ESCO1: variants seen among roughly 807,000 people sequenced by gnomAD.
The protein encoded by ESCO1 is establishment of sister chromatid cohesion N-acetyltransferase 1, also known as N-acetyltransferase ESCO1.
A neutral mutation model predicts 83.5 loss-of-function variants in ESCO1; 33 were observed. The ratio of observed to expected loss-of-function variants is 0.40; its 90% confidence interval spans 0.30 to 0.53. ESCO1 has a LOEUF of 0.53. ESCO1 is among the 20% of genes least tolerant of loss of function. The pLI is 0.63. For synonymous variants in ESCO1, 332 were observed against 324.3 expected, an observed-to-expected ratio of 1.02 and a Z score of -0.25; for missense variants, 855 against 968.0, an observed-to-expected ratio of 0.88 and a Z score of 1.55.
intron 6 of ESCO1, among the ~76,000 whole-genome samples, chr18:21,565,754 T>G (rs1035469151): frequency 6.6e-6 from 1 of 152,070 alleles, no homozygotes; most frequent in African/African-American, 2.4e-5. Context: ...CTGAGCAGCA[T>G]AGCAAGACCT....
chr18:21,563,464 C>T (rs2038216048), intron 7 of ESCO1, among the ~76,000 whole-genome samples: 1 of 152,178 alleles, frequency 6.6e-6, no homozygotes, highest in Non-Finnish European at 1.5e-5. Flanking sequence ...TCTCCTGCCT[C>T]AGATTCCTAA....
intron 8 of ESCO1, among the ~76,000 whole-genome samples, chr18:21,543,183 T>C (rs2037928528): frequency 6.6e-6 from 1 of 152,108 alleles, no homozygotes; most frequent in South Asian, 2.1e-4. Flanking sequence ...TGAGACAGTT[T>C]CAATCTTGTT....
intron 8 of ESCO1, among the ~76,000 whole-genome samples, chr18:21,541,592 C>CAAAAAAAA (rs58040604): frequency 2.3e-5 from 2 of 86,812 alleles, no homozygotes; most frequent in African/African-American, 7.4e-5. Context: ...GACACTGTCC[C>CAAAAAAAA]AAAAAAAAAA....
At chr18:21,579,901 AT>A (rs376518696) in intron 2 of ESCO1, among the ~76,000 whole-genome samples, 53 of 141,094 alleles carry the variant, frequency 3.8e-4, no homozygotes, top group South Asian at 2.3e-3. Context: ...TCTATTTTTA[AT>A]TTTTTTTTTT....
At chr18:21,586,091 A>C (rs2038572426) in intron 1 of ESCO1, among the ~76,000 whole-genome samples, 1 of 152,234 alleles carries the variant, frequency 6.6e-6, no homozygotes, top group South Asian at 2.1e-4. Flanking sequence ...AAATTATTAA[A>C]TACAGTCACC....
In ESCO1 at chr18:21,547,724, AT is replaced by A. The variant is rs1377586924; in HGVS notation, c.1954-7716del. Among the ~76,000 whole-genome samples the A allele has an allele frequency of 7.2e-5, 11 of 152,354 alleles. No individual in the cohort carries two copies. In the East Asian group the frequency reaches 1.7e-3, roughly 24 times the overall value. ...AACCTACAAGAAAAGGCAAAATAAT[AT>A]AAGCAAAGTGTTAAAATAGTTTTAG... is the stretch of plus-strand genomic sequence containing the variant. On this transcript the variant is annotated intron_variant, in intron 8 of 11. Coordinates refer to ENST00000269214, the MANE Select transcript of ESCO1 (RefSeq NM_052911.3).
chr18:21,576,459 T>C (rs2038419802), intron 2 of ESCO1, among the ~76,000 whole-genome samples: 1 of 152,098 alleles, frequency 6.6e-6, no homozygotes, highest in African/African-American at 2.4e-5. Context: ...GCTATAATCA[T>C]GCCAGTACAC....
At chr18:21,569,547 G>A (rs927242449) in intron 4 of ESCO1, among the ~76,000 whole-genome samples, 15 of 152,184 alleles carry the variant, frequency 9.9e-5, no homozygotes, top group African/African-American at 3.6e-4. Flanking sequence ...GGAGTTCCAG[G>A]CCAGCCTCAC....
At chr18:21,595,141 CCATGCCTAGCCTATGGTATATATTTTAAA>C (rs1461358785) in intron 1 of ESCO1, among the ~76,000 whole-genome samples, 2 of 151,814 alleles carry the variant, frequency 1.3e-5, no homozygotes, top group Non-Finnish European at 2.9e-5. Context: ...ATGTGAACCA[CCATGCCTAGCCTATGGTATATATTTTAAA>C]CATATATTAT....
intron 10 of ESCO1, 21 bp from the exon 11 acceptor site, chr18:21,532,681 G>C (rs1452637072): frequency 1.3e-6 from 2 of 1,598,328 alleles, no homozygotes; most frequent in African/African-American, 2.7e-5. Context: ...CAAAAATGGG[G>C]AAAAAATTTA....
chr18:21,583,951 C>G (rs1487194892), intron 2 of ESCO1, among the ~76,000 whole-genome samples: 2 of 152,048 alleles, frequency 1.3e-5, no homozygotes, highest in Admixed American at 1.3e-4. Context: ...ACCAAAAAAG[C>G]AAAGTGCAGA....
intron 8 of ESCO1, among the ~76,000 whole-genome samples, chr18:21,544,121 A>C (rs1045791879): frequency 2.6e-5 from 4 of 152,004 alleles, no homozygotes; most frequent in Admixed American, 2.6e-4. Flanking sequence ...AAAATACAAA[A>C]AAATTAGCTG....
At chr18:21,590,121 C>G (rs768257336) in intron 1 of ESCO1, among the ~76,000 whole-genome samples, 1 of 152,026 alleles carries the variant, frequency 6.6e-6, no homozygotes, top group East Asian at 1.9e-4. Flanking sequence ...GCCACTGCGT[C>G]CGGCCGCAAG....
chr18:21,547,546 A>G (rs1208518113), intron 8 of ESCO1, among the ~76,000 whole-genome samples: 2 of 152,136 alleles, frequency 1.3e-5, no homozygotes, highest in African/African-American at 2.4e-5. Flanking sequence ...ACAAGGTGCA[A>G]TAAAGTATAT....
At chr18:21,590,631 A>C (rs575583304) in intron 1 of ESCO1, among the ~76,000 whole-genome samples, 39 of 152,140 alleles carry the variant, frequency 2.6e-4, no homozygotes, top group African/African-American at 9.4e-4. Flanking sequence ...ATTTAATTTA[A>C]ATTTAATTTA....
At chr18:21,530,594 T>A in intron 11 of ESCO1, 104 bp from the exon 12 acceptor site, 1 of 1,159,082 alleles carries the variant, frequency 8.6e-7, no homozygotes, top group Non-Finnish European at 1.2e-6. Context: ...ACAATTTGAC[T>A]AAAAAAGCTT....
chr18:21,599,438 G>A (rs1041321073), intron 1 of ESCO1, among the ~76,000 whole-genome samples: 7 of 152,316 alleles, frequency 4.6e-5, no homozygotes, highest in Admixed American at 1.3e-4. Flanking sequence ...ATATAGCATA[G>A]TTCACTGCAA....
intron 1 of ESCO1, among the ~76,000 whole-genome samples, chr18:21,594,303 G>A (rs1178645270): frequency 6.6e-6 from 1 of 152,170 alleles, no homozygotes; most frequent in African/African-American, 2.4e-5. Context: ...AATATATTCA[G>A]GTTTCTGTAA....
chr18:21,579,982 G>A lies in ESCO1; in HGVS notation c.-693-4205C>T, dbSNP rs12963715. Among the ~76,000 whole-genome samples the A allele has an allele frequency of 8.0e-3, 1,198 of 149,894 alleles. 20 individuals carry two copies. The highest frequency in any genetic ancestry group is 0.028 in the African/African-American group (1,150 of 40,752). On this transcript the variant is annotated intron_variant, in intron 2 of 11. Coordinates refer to ENST00000269214, the MANE Select transcript of ESCO1 (RefSeq NM_052911.3). ...GCAATCTTGGCTCACTGCAACCTCCGTCTCCCGGGTTCAAGCAATTCTCCT... is the reference window on the plus strand; with the variant it reads ...GCAATCTTGGCTCACTGCAACCTCCATCTCCCGGGTTCAAGCAATTCTCCT...
Sources: gnomAD v4.1 joint callset for allele counts (sites outside exome capture counted in the v4.1 genomes callset) on GRCh38, gnomAD v4.1.1 for gene constraint, MANE v1.5 for transcripts, NCBI Gene and HGNC (gene_info 2026-07-23, HGNC 2026-07-21) for gene names.